PADI2: variants seen among roughly 807,000 people sequenced by gnomAD.
The protein encoded by PADI2 is peptidyl arginine deiminase 2, also known as protein-arginine deiminase type-2.
In PADI2, 70 loss-of-function variants were observed where a neutral mutation model predicts 81.1. The ratio of observed to expected loss-of-function variants is 0.86; its 90% CI spans 0.71 to 1.05. PADI2 has a LOEUF of 1.05. Among genes scored for constraint, PADI2 ranks in the 50% least tolerant of loss-of-function variants. The pLI is 0.00. For missense variants in PADI2, 853 were observed against 889.9 expected, an observed-to-expected ratio of 0.96 and a Z score of 0.53; for synonymous variants, 338 against 358.0, an observed-to-expected ratio of 0.94 and a Z score of 0.63.
chr1:17,076,636 G>A (rs1326333504), intron 11 of PADI2, among the ~76,000 whole-genome samples: 1 of 151,936 alleles, frequency 6.6e-6, no homozygotes, highest in Non-Finnish European at 1.5e-5. Flanking sequence ...CAGTGCAGTG[G>A]CATGATCTCA....
chr1:17,087,885 A>G (rs1039516358), intron 6 of PADI2, among the ~76,000 whole-genome samples: 10 of 152,318 alleles, frequency 6.6e-5, no homozygotes, highest in Admixed American at 6.5e-4. Flanking sequence ...TGCCCGGCAC[A>G]TGGTCATGTT....
At chr1:17,097,100 A>G (rs948778963) in intron 3 of PADI2, among the ~76,000 whole-genome samples, 2 of 150,858 alleles carry the variant, frequency 1.3e-5, no homozygotes, top group Non-Finnish European at 1.5e-5. Flanking sequence ...GGAGTGTCAC[A>G]CACATGACAT....
intron 9 of PADI2, 198 bp downstream of exon 9, chr1:17,083,528 T>G: frequency 1.8e-6 from 1 of 568,028 alleles, no homozygotes. Flanking sequence ...TAGGTTGCTT[T>G]GCAATCTTTT....
At chr1:17,086,367 A>G (rs1930416983) in intron 7 of PADI2, among the ~76,000 whole-genome samples, 154 bp downstream of exon 7, 1 of 152,180 alleles carries the variant, frequency 6.6e-6, no homozygotes, top group African/African-American at 2.4e-5. Context: ...AGACACGTGC[A>G]GGCTTTGCTG....
chr1:17,101,231 C>T (rs886253004), intron 3 of PADI2, among the ~76,000 whole-genome samples: 6 of 152,182 alleles, frequency 3.9e-5, no homozygotes. Context: ...TTTGTCATCT[C>T]CTAGTGAGGA....
rs568264524 is a variant in PADI2, at chr1:17,068,778, T to C, written c.*266A>G. The stretch of plus-strand genomic sequence containing the variant: ...TGGGCACATGGTTTGCTGTGTTTTG[T>C]TGTGTTCTGTTCCTTATGTCAGGGC... On this transcript the variant is annotated 3_prime_UTR_variant, in exon 16 of 16. Transcript: ENST00000375486. The C allele has an allele frequency of 1.3e-3, 660 of 505,394 alleles. 7 individuals carry two copies. The South Asian group carries it at 0.014, about 11-fold the overall frequency. 31.3% of individuals were successfully genotyped at this position (505,394 alleles called of 1,614,324 possible).
rs887002735 is a variant in PADI2, at chr1:17,067,270, G to A, written c.*1774C>T. ...ATTAACCAAACACACACACACACAT[G>A]ACAAACTCTAAGTCTCCAGACAGAC... On this transcript the variant is annotated 3_prime_UTR_variant, in exon 16 of 16. Transcript: ENST00000375486. 11 of 144,480 alleles carry A rather than the reference G, an allele frequency of 7.6e-5. No individual in the cohort carries two copies. Among genetic ancestry groups the A allele is most frequent in the African/African-American group, 2.8e-4 (11 of 39,730 alleles). The allele number at this position is 144,480 out of a possible 1,614,324, so 8.9% of individuals were successfully genotyped here. A position where few individuals can be genotyped will look rare whatever the true frequency, so the allele number is the denominator to read the frequency against.
chr1:17,093,653 C>A lies in PADI2; in HGVS notation c.443G>T (p.Gly148Val), dbSNP rs747221982. 7 of 1,613,794 alleles carry A rather than the reference C, an allele frequency of 4.3e-6. No individual in the cohort carries two copies. In the Admixed American group the frequency reaches 1.0e-4, roughly 23 times the overall value. Residue 148 changes from glycine to valine, a missense_variant, in exon 5 of 16, where the codon GGG becomes GTG. Physicochemically the swap from Gly to Val is moderately radical, Grantham distance 109. Coordinates refer to ENST00000375486, the MANE Select transcript of PADI2 (RefSeq NM_007365.3). The stretch of plus-strand genomic sequence containing the variant: ...GTCACAGTTCACCAGCAGGATGGCC[C>A]CCTGGCCCTCGGGGCCCCAGGTCCA... ...ASWTWGPEGQ[G>V]AILLVNCDRE... is the part of the protein sequence containing the mutation.
intron 3 of PADI2, 95 bp from the exon 4 acceptor site, chr1:17,096,065 C>G: frequency 1.1e-6 from 1 of 893,374 alleles, no homozygotes; most frequent in Non-Finnish European, 1.8e-6. Context: ...GCGTCTCAGC[C>G]ATTCATTTGG....
chr1:17,113,056 G>A (rs1265278245), intron 1 of PADI2, among the ~76,000 whole-genome samples: 1 of 152,126 alleles, frequency 6.6e-6, no homozygotes, highest in African/African-American at 2.4e-5. Flanking sequence ...CTTCCAGGAA[G>A]TCATCCCTGA....
chr1:17,097,638 T>C (rs2244949), intron 3 of PADI2, among the ~76,000 whole-genome samples: 93,222 of 152,074 alleles, frequency 0.61, 28,923 homozygotes, highest in African/African-American at 0.68. Context: ...AGCATTGCTC[T>C]CGTTTCACAG....
intron 6 of PADI2, among the ~76,000 whole-genome samples, chr1:17,087,159 T>C (rs1469159787): frequency 1.3e-5 from 2 of 152,226 alleles, no homozygotes; most frequent in Non-Finnish European, 2.9e-5. Flanking sequence ...ATCCCCTCTG[T>C]ATAAACAAAC....
At chr1:17,099,683 C>T (rs1199286882) in intron 3 of PADI2, among the ~76,000 whole-genome samples, 1 of 152,088 alleles carries the variant, frequency 6.6e-6, no homozygotes, top group Non-Finnish European at 1.5e-5. Context: ...TTAACTTCAC[C>T]CAGGCAGAGA....
At chr1:17,080,676 C>G (rs948391628) in intron 10 of PADI2, among the ~76,000 whole-genome samples, 1 of 152,232 alleles carries the variant, frequency 6.6e-6, no homozygotes, top group Non-Finnish European at 1.5e-5. Flanking sequence ...CCTCAGAACC[C>G]TTCTTCACAC....
intron 3 of PADI2, among the ~76,000 whole-genome samples, chr1:17,099,667 A>C (rs1019433819): frequency 6.6e-6 from 1 of 152,176 alleles, no homozygotes; most frequent in Non-Finnish European, 1.5e-5. Flanking sequence ...GAGACCATAC[A>C]TTTCTTTAAC....
rs1404145398 is a variant in PADI2, at chr1:17,092,427, C to T, written c.636G>A (p.Val212=). The T allele has an allele frequency of 6.2e-6, 10 of 1,607,410 alleles. No individual in the cohort carries two copies. In the African/African-American group the frequency reaches 6.8e-5, roughly 11 times the overall value. The part of the protein sequence containing the change: ...LYISMSDSDK[V]GVFYVENPFF... Reference sequence around the variant, plus strand: ...ACTCACTCTCCACGTAGAACACGCCCACTTTGTCTGAGTCTGACATGGAAA... The same window carrying T: ...ACTCACTCTCCACGTAGAACACGCCTACTTTGTCTGAGTCTGACATGGAAA... The change falls in exon 6 of 16, where the codon GTG becomes GTA. Residue 212 remains valine (V), a synonymous_variant. Transcript: ENST00000375486.
intron 13 of PADI2, 127 bp downstream of exon 13, chr1:17,074,729 C>A (rs545897270): frequency 8.3e-6 from 5 of 602,900 alleles, no homozygotes; most frequent in African/African-American, 1.9e-5. Context: ...AACCCCCGAT[C>A]GGGCCAGACA....
Position 17,082,839 on chromosome 1 carries a change from C to A in PADI2, c.1051-187G>T, listed in dbSNP as rs535433080. The A allele has an allele frequency of 1.5e-5, 8 of 518,630 alleles. No homozygotes were observed. The East Asian group carries it at 2.8e-4, about 18-fold the overall frequency. 32.1% of individuals were successfully genotyped at this position (518,630 alleles called of 1,614,324 possible). A position where few individuals can be genotyped will look rare whatever the true frequency, so the allele number is the denominator to read the frequency against. ...CACAGGTGTCCATAGGCAGTCTCTG[C>A]ACATCACAGGCAGGTTTCTTACCGA... On this transcript the variant is annotated intron_variant, in intron 9 of 15. Transcript: ENST00000375486.
chr1:17,109,389 TAA>T (rs566123530), intron 1 of PADI2, among the ~76,000 whole-genome samples: 16,560 of 48,214 alleles, frequency 0.34, 3,016 homozygotes, highest in Non-Finnish European at 0.39. Context: ...CTCTGTCTAT[TAA>T]AAAAAAAAAA....
Sources: allele counts gnomAD v4.1 joint callset (sites outside exome capture counted in the v4.1 genomes callset), GRCh38; gene constraint gnomAD v4.1.1; transcripts MANE v1.5; gene names NCBI Gene and HGNC (gene_info 2026-07-23, HGNC 2026-07-21).